The following ADAMTS18 variants were observed in gnomAD, a reference collection of about 807,000 sequenced individuals.
ADAMTS18 encodes the protein A disintegrin and metalloproteinase with thrombospondin motifs 18.
A neutral mutation model predicts 165.9 loss-of-function variants in ADAMTS18; 157 were observed. That is an observed-to-expected ratio of 0.95 (90% CI 0.83 to 1.08). The LOEUF (loss-of-function observed/expected upper bound fraction) is 1.08, where lower values mean the gene tolerates loss of function less well. ADAMTS18 is among the 50% of genes least tolerant of loss of function. The pLI is 0.00. For synonymous variants in ADAMTS18, 782 were observed against 578.2 expected (o/e 1.35, Z -5.06); for missense variants, 2,040 against 1,534.0 (o/e 1.33, Z -5.51).
chr16:77,380,769 G>A (rs548255535), intron 3 of ADAMTS18, among the ~76,000 whole-genome samples: 1 of 151,986 alleles, frequency 6.6e-6, no homozygotes, highest in African/African-American at 2.4e-5. Flanking sequence ...ACCCATCTGG[G>A]GGTCAGTGGT....
Position 77,341,757 on chromosome 16 carries a change from A to G in ADAMTS18, c.1657T>C (p.Cys553Arg). Residue 553 changes from cysteine to arginine, a missense_variant, in exon 11 of 23, where the codon TGT (cysteine) becomes CGT (arginine). By Grantham distance (180) the Cys-to-Arg change is radical (BLOSUM62 -3). Coordinates refer to ENST00000282849, the MANE Select transcript of ADAMTS18 (RefSeq NM_199355.4). ...GCTGCGGGCATAAACTTGGTCTCAC[A>G]CCTGTGGCCTACTCGGTGGCACCAA... Reference protein sequence around the residue: ...SLWCHRVGHRCETKFMPAAEG... With the variant: ...SLWCHRVGHRRETKFMPAAEG... 6.2e-6 allele frequency: 10 copies of G among 1,613,622 alleles called. No individual in the cohort carries two copies. Among genetic ancestry groups the G allele is most frequent in the Non-Finnish European group, 8.5e-6 (10 of 1,179,804 alleles).
At chr16:77,341,850 C>T (rs548501024) in intron 10 of ADAMTS18, 51 bp from the exon 11 acceptor site, 78 of 1,248,748 alleles carry the variant, frequency 6.2e-5, no homozygotes, top group Non-Finnish European at 8.8e-5. Flanking sequence ...ACAATAAAAA[C>T]AAAAATATTC....
chr16:77,366,165 C>A (rs1332404614), intron 4 of ADAMTS18, among the ~76,000 whole-genome samples: 2 of 64,544 alleles, frequency 3.1e-5, no homozygotes, highest in African/African-American at 3.4e-4. Context: ...GAATAAACTT[C>A]TTCTGGCTGT....
At chr16:77,430,176 A>AC (rs71137818) in intron 3 of ADAMTS18, among the ~76,000 whole-genome samples, 7,247 of 149,754 alleles carry the variant, frequency 0.048, 229 homozygotes, top group East Asian at 0.12. Context: ...AAACAAACAA[A>AC]AAAACAAGAT....
At chr16:77,420,137 T>C (rs1312754597) in intron 3 of ADAMTS18, among the ~76,000 whole-genome samples, 1 of 150,694 alleles carries the variant, frequency 6.6e-6, no homozygotes, top group Non-Finnish European at 1.5e-5. Flanking sequence ...TCTCAGACAA[T>C]TTGATAATTT....
rs1206899631 is a variant in ADAMTS18 at position 77,434,738 on chromosome 16, A to C, written c.-43T>G. ...GCGGCTGCGGGTGGCCAGACGCGGCAGGCGGAGCGCACGGGCGGCGCGCAT... is the reference window on the plus strand; with the variant it reads ...GCGGCTGCGGGTGGCCAGACGCGGCCGGCGGAGCGCACGGGCGGCGCGCAT... On this transcript the variant is annotated 5_prime_UTR_variant, in exon 1 of 23. Transcript: ENST00000282849. 1 of 1,387,076 alleles carries C rather than the reference A, an allele frequency of 7.2e-7. No homozygotes were observed. Among genetic ancestry groups the C allele is most frequent in the Non-Finnish European group, 9.4e-7 (1 of 1,068,494 alleles). The allele number at this position is 1,387,076 out of a possible 1,614,324, so 85.9% of individuals were successfully genotyped here.
chr16:77,355,633 C>G (rs912047455), intron 9 of ADAMTS18, among the ~76,000 whole-genome samples: 9 of 152,076 alleles, frequency 5.9e-5, no homozygotes, highest in Non-Finnish European at 8.8e-5. Context: ...CTGCAACTTA[C>G]CAGCGATAGT....
intron 10 of ADAMTS18, among the ~76,000 whole-genome samples, chr16:77,343,558 CT>C (rs2056431303): frequency 6.6e-6 from 1 of 152,188 alleles, no homozygotes; most frequent in African/African-American, 2.4e-5. Flanking sequence ...ACTGAGCAAG[CT>C]TCTGATGCTG....
At position 77,362,110 on chromosome 16, in the gene ADAMTS18, G is replaced by A. The variant is rs144011185; in HGVS notation, c.1211C>T (p.Thr404Ile). The A allele has an allele frequency of 1.3e-4, 204 of 1,613,954 alleles. No individual in the cohort carries two copies. Among genetic ancestry groups the A allele is most frequent in the Non-Finnish European group, 1.5e-4 (172 of 1,180,004 alleles). ...AGGATCTGTTCATACCATACCTAGA[G>A]TGTCACATGGTTCATTCTTCCAAGA... ...ICSWKNEPCD[T>I]LGFAPISGMC... Residue 404 changes from threonine (T) to isoleucine (I), a missense_variant, in exon 7 of 23, where the codon ACT becomes ATT. Physicochemically the swap from Thr to Ile is moderately conservative, Grantham distance 89 (BLOSUM62 -1). Coordinates refer to ENST00000282849, the MANE Select transcript of ADAMTS18 (RefSeq NM_199355.4).
intron 16 of ADAMTS18, among the ~76,000 whole-genome samples, chr16:77,304,423 T>C (rs1228435933): frequency 6.6e-6 from 1 of 152,330 alleles, no homozygotes; most frequent in African/African-American, 2.4e-5. Flanking sequence ...GTCACACCAC[T>C]GCACTCCAGC....
intron 3 of ADAMTS18, among the ~76,000 whole-genome samples, chr16:77,369,777 C>T (rs991652162): frequency 6.6e-5 from 10 of 152,064 alleles, no homozygotes; most frequent in Admixed American, 5.2e-4. Context: ...CCAAATCAGA[C>T]AAGAACAAAA....
chr16:77,293,071 C>T lies in ADAMTS18; in HGVS notation c.3189+5G>A. 1.2e-6 allele frequency: 2 copies of T among 1,613,996 alleles called. No individual in the cohort carries two copies. The highest frequency in any genetic ancestry group is 1.7e-6 in the Non-Finnish European group (2 of 1,179,970). On this transcript the variant is annotated splice_donor_5th_base_variant and intron_variant, in intron 20 of 22. Coordinates refer to ENST00000282849, the MANE Select transcript of ADAMTS18 (RefSeq NM_199355.4). Reference sequence around the variant, plus strand: ...CCTGACCCAGCAGTGACTTCTAATCCATACCTCGCTCCACGAAGAAGCGAC... The same window carrying T: ...CCTGACCCAGCAGTGACTTCTAATCTATACCTCGCTCCACGAAGAAGCGAC...
At chr16:77,342,654 T>C (rs1324240514) in intron 10 of ADAMTS18, among the ~76,000 whole-genome samples, 1 of 152,222 alleles carries the variant, frequency 6.6e-6, no homozygotes, top group East Asian at 1.9e-4. Context: ...ACCAGGCCTA[T>C]GAAATAATTT....
chr16:77,345,275 G>T (rs2056459226), intron 10 of ADAMTS18, among the ~76,000 whole-genome samples: 3 of 152,010 alleles, frequency 2.0e-5, no homozygotes, highest in African/African-American at 7.3e-5. Flanking sequence ...GTTCTTCATT[G>T]GCTCCTCCAA....
At chr16:77,409,231 C>G (rs577329531) in intron 3 of ADAMTS18, among the ~76,000 whole-genome samples, 1 of 152,122 alleles carries the variant, frequency 6.6e-6, no homozygotes, top group African/African-American at 2.4e-5. Context: ...ATTTTTAAAG[C>G]AGAAACTGAA....
intron 16 of ADAMTS18, among the ~76,000 whole-genome samples, chr16:77,304,184 G>C (rs1191313224): frequency 6.6e-6 from 1 of 152,146 alleles, no homozygotes; most frequent in Non-Finnish European, 1.5e-5. Flanking sequence ...AAGACACAAA[G>C]CAACAAAATT....
chr16:77,367,569 T>A lies in ADAMTS18; in HGVS notation c.650A>T (p.Tyr217Phe). The A allele has an allele frequency of 6.2e-7, 1 of 1,614,180 alleles. No homozygotes were observed. Among genetic ancestry groups the A allele is most frequent in the Non-Finnish European group, 8.5e-7 (1 of 1,180,030 alleles). Residue 217 changes from tyrosine to phenylalanine, a missense_variant, in exon 4 of 23, where the codon TAC becomes TTC. Physicochemically the swap from Tyr to Phe is conservative, Grantham distance 22. Coordinates refer to ENST00000282849, the MANE Select transcript of ADAMTS18 (RefSeq NM_199355.4). ...AGGATAATTCCGGCCAGAGCCGGGG[T>A]AGCCACGGTACCGCTGGATCTTCTC... ...AEEKIQRYRGYPGSGRNYPGY... is the reference protein window; with the variant it reads ...AEEKIQRYRGFPGSGRNYPGY...
At chr16:77,402,283 T>C (rs893255854) in intron 3 of ADAMTS18, among the ~76,000 whole-genome samples, 11 of 152,228 alleles carry the variant, frequency 7.2e-5, no homozygotes, top group African/African-American at 2.2e-4. Context: ...ATCACTTGCT[T>C]CCTGCCCAGT....
intron 11 of ADAMTS18, among the ~76,000 whole-genome samples, chr16:77,340,220 G>C (rs1442692701): frequency 6.6e-6 from 1 of 152,074 alleles, no homozygotes; most frequent in Non-Finnish European, 1.5e-5. Context: ...TGTCACCCAG[G>C]CTGGAATTCA....
Sources: gnomAD v4.1 joint callset for allele counts (sites outside exome capture counted in the v4.1 genomes callset) on GRCh38, gnomAD v4.1.1 for gene constraint, MANE v1.5 for transcripts, NCBI Gene and HGNC (gene_info 2026-07-23, HGNC 2026-07-21) for gene names.